The following KAZN variants were observed in gnomAD, a reference collection of about 807,000 sequenced individuals.
KAZN encodes kazrin.
A neutral mutation model predicts 87.4 loss-of-function variants in KAZN; 40 were observed. That is an observed-to-expected ratio of 0.46 (90% confidence interval 0.36 to 0.60). The LOEUF is 0.60. KAZN is among the 20% of genes least tolerant of loss of function. KAZN has a pLI of 0.00. For synonymous variants in KAZN, 466 were observed against 458.3 expected (o/e 1.02, Z -0.22); for missense variants, 898 against 1,073.9 (o/e 0.84, Z 2.29).
chr1:14,442,072 G>A (rs1001849912), intron 2 of KAZN, among the ~76,000 whole-genome samples: 1 of 152,202 alleles, frequency 6.6e-6, no homozygotes, highest in Admixed American at 6.5e-5. Flanking sequence ...CCCCCTGCAG[G>A]GGAAGGGACA....
At chr1:14,205,883 T>C (rs1421548861) in intron 2 of KAZN, among the ~76,000 whole-genome samples, 36 of 552 alleles carry the variant, frequency 0.065, 1 homozygote, top group East Asian at 0.5. Context: ...AGACACTGTC[T>C]CAAAAAAAAA....
chr1:14,177,598 C>A (rs749756089), intron 1 of KAZN, among the ~76,000 whole-genome samples: 1 of 151,994 alleles, frequency 6.6e-6, no homozygotes, highest in African/African-American at 2.4e-5. Flanking sequence ...TTTTTTTTAT[C>A]TCCTGGTTTG....
Position 14,567,798 on chromosome 1 carries a change from C to A in KAZN, c.250-31185C>A, listed in dbSNP as rs563013604. Among the ~76,000 whole-genome samples the A allele has an allele frequency of 6.6e-5, 10 of 152,296 alleles. No individual in the cohort carries two copies. The East Asian group carries it at 1.7e-3, about 26-fold the overall frequency. On this transcript the variant is annotated intron_variant, in intron 2 of 16. Transcript: ENST00000636203. ...TGGGTAGACTTCCTAGATGTCACCT[C>A]ATCTCATTCAGCAGCTAAAAGACCC...
At position 14,625,829 on chromosome 1, in the gene KAZN, C is replaced by T. The variant is rs112465073; in HGVS notation, c.226+26606C>T. Among the ~76,000 whole-genome samples, 849 of 152,246 alleles carry T rather than the reference C, an allele frequency of 5.6e-3. 3 individuals are homozygous for T. The highest frequency in any genetic ancestry group is 9.6e-3 in the Non-Finnish European group (656 of 68,028). On this transcript the variant is annotated intron_variant, in intron 1 of 14. Coordinates refer to ENST00000376030, the MANE Select transcript of KAZN (RefSeq NM_201628.3). ...TTGCTGTTTGCAATTTCCCCGGAAA[C>T]GAGAGGTTGTGGGAAGTGGTAGTCA...
At chr1:14,842,385 C>T (rs1443710741) in intron 1 of KAZN, among the ~76,000 whole-genome samples, 1 of 152,094 alleles carries the variant, frequency 6.6e-6, no homozygotes, top group African/African-American at 2.4e-5. Context: ...GCCTTGCTAC[C>T]CAGGAGAAAA....
intron 1 of KAZN, among the ~76,000 whole-genome samples, chr1:14,905,341 C>G (rs1314295360): frequency 6.6e-6 from 1 of 152,154 alleles, no homozygotes; most frequent in Non-Finnish European, 1.5e-5. Context: ...GAATAACAGG[C>G]GTGATCTACT....
intron 1 of KAZN, among the ~76,000 whole-genome samples, chr1:14,047,878 A>AG (rs201063660): frequency 1.2e-5 from 1 of 84,464 alleles, no homozygotes; most frequent in Non-Finnish European, 2.6e-5. Context: ...AAGAAAAAAG[A>AG]AAAAAAAAAA....
intron 8 of KAZN, among the ~76,000 whole-genome samples, chr1:15,069,241 C>G (rs1639399887): frequency 6.6e-6 from 1 of 152,110 alleles, no homozygotes; most frequent in South Asian, 2.1e-4. Context: ...CCCGAAGTGG[C>G]CTCTGATTTC....
intron 2 of KAZN, among the ~76,000 whole-genome samples, chr1:14,286,682 A>G (rs1191451170): frequency 6.6e-6 from 1 of 152,190 alleles, no homozygotes; most frequent in African/African-American, 2.4e-5. Flanking sequence ...GAAAGCTCTA[A>G]GCCCACTTTG....
In KAZN at chr1:14,598,872, C is replaced by A. The variant is rs1429381705; in HGVS notation, c.-126C>A. The A allele has an allele frequency of 1.8e-5, 26 of 1,445,398 alleles. No individual in the cohort carries two copies. Among genetic ancestry groups the A allele is most frequent in the Non-Finnish European group, 2.3e-5 (26 of 1,106,744 alleles). 89.5% of individuals were successfully genotyped at this position (1,445,398 alleles called of 1,614,324 possible). A position where few individuals can be genotyped will look rare whatever the true frequency, so the allele number is the denominator to read the frequency against. On this transcript the variant is annotated 5_prime_UTR_variant, in exon 1 of 15. Coordinates refer to ENST00000376030, the MANE Select transcript of KAZN (RefSeq NM_201628.3). The surrounding 1 kb of genome is among the most constrained non-coding windows in gnomAD (Gnocchi z 4.2). ...ACCGGCGCTGCCGGTGCCTGGGGGT[C>A]GGGGCGCGGGCGAAGCCGGGCCGCG...
intron 2 of KAZN, among the ~76,000 whole-genome samples, chr1:14,226,846 C>A (rs925174820): frequency 8.6e-6 from 1 of 116,130 alleles, no homozygotes; most frequent in African/African-American, 3.4e-5. Flanking sequence ...TGCTAAACAT[C>A]GTGTACGCAT....
intron 2 of KAZN, among the ~76,000 whole-genome samples, chr1:14,428,742 C>A (rs1376898728): frequency 6.6e-6 from 1 of 151,916 alleles, no homozygotes; most frequent in Non-Finnish European, 1.5e-5. Flanking sequence ...CCTTATAAAA[C>A]CATCAGATTT....
chr1:14,798,437 T>C (rs1421264946), intron 1 of KAZN, among the ~76,000 whole-genome samples: 1 of 58,804 alleles, frequency 1.7e-5, no homozygotes, highest in East Asian at 6.4e-4. Flanking sequence ...TTTTTTTTTT[T>C]TTTTTTTTGA....
intron 2 of KAZN, among the ~76,000 whole-genome samples, chr1:14,524,043 A>G (rs1482290032): frequency 2.0e-5 from 3 of 148,412 alleles, no homozygotes; most frequent in Non-Finnish European, 4.5e-5. Context: ...TTTTTATGAG[A>G]CAGAGTCTTG....
At chr1:14,010,327 ATCTTC>A (rs1640235784) in intron 1 of KAZN, among the ~76,000 whole-genome samples, 1 of 152,216 alleles carries the variant, frequency 6.6e-6, no homozygotes, top group Non-Finnish European at 1.5e-5. Flanking sequence ...ATGATACATC[ATCTTC>A]TGGACTTTTA....
intron 1 of KAZN, among the ~76,000 whole-genome samples, chr1:14,763,155 A>G (rs2100554726): frequency 6.6e-6 from 1 of 152,358 alleles, no homozygotes; most frequent in East Asian, 1.9e-4. Flanking sequence ...CAGTAGGCCA[A>G]CAGCAGGCAA....
At chr1:14,549,375 A>T (rs1033788457) in intron 2 of KAZN, among the ~76,000 whole-genome samples, 1 of 152,156 alleles carries the variant, frequency 6.6e-6, no homozygotes, top group African/African-American at 2.4e-5. Flanking sequence ...GTCCTGGCCA[A>T]TGGAATCTAG....
intron 2 of KAZN, among the ~76,000 whole-genome samples, chr1:14,270,178 C>G (rs1651810039): frequency 6.6e-6 from 1 of 152,220 alleles, no homozygotes; most frequent in African/African-American, 2.4e-5. Flanking sequence ...TTTAACTGGA[C>G]TAGCTTGAAG....
chr1:14,007,718 A>C (rs545434042), intron 1 of KAZN, among the ~76,000 whole-genome samples: 1 of 152,342 alleles, frequency 6.6e-6, no homozygotes, highest in South Asian at 2.1e-4. Context: ...ATACTGGCTC[A>C]CTTGGGTGTG....
Sources: allele counts gnomAD v4.1 joint callset (sites outside exome capture counted in the v4.1 genomes callset), GRCh38; gene constraint gnomAD v4.1.1; non-coding constraint Gnocchi (gnomAD v3.1); transcripts MANE v1.5; gene names NCBI Gene and HGNC (gene_info 2026-07-23, HGNC 2026-07-21).